Variants in PCDHGA9 observed in about 807,000 individuals in gnomAD.
PCDHGA9 encodes the protein protocadherin gamma subfamily A, 9.
A neutral mutation model predicts 62.5 loss-of-function variants in PCDHGA9; 37 were observed. The ratio of observed to expected loss-of-function variants is 0.59; its 90% CI spans 0.46 to 0.78. PCDHGA9 has a LOEUF of 0.78. Ranked by LOEUF, PCDHGA9 falls within the 30% of genes least tolerant of loss-of-function variation. PCDHGA9 has a pLI of 0.00. For synonymous variants in PCDHGA9, 459 were observed against 484.6 expected, an observed-to-expected ratio of 0.95 and a Z score of 0.69; for missense variants, 1,138 against 1,166.2, an observed-to-expected ratio of 0.98 and a Z score of 0.35.
chr5:141,479,562 T>G (rs1176956064), intron 1 of PCDHGA9: 2 of 152,218 alleles, frequency 1.3e-5, no homozygotes, highest in Non-Finnish European at 2.9e-5. Flanking sequence ...TATCCAGTAG[T>G]GGGATGACAT....
At position 141,490,776 on chromosome 5, in the gene PCDHGA9, G is replaced by A. The variant is rs1234115299; in HGVS notation, c.2425-4031G>A. 4.3e-6 allele frequency: 7 copies of A among 1,614,162 alleles called. No individual in the cohort carries two copies. Among genetic ancestry groups the A allele is most frequent in the African/African-American group, 1.3e-5 (1 of 75,066 alleles). On this transcript the variant is annotated intron_variant, in intron 1 of 3. Transcript: ENST00000573521. This position sits in a 1 kb window ranked among gnomAD's most constrained non-coding sequence, Gnocchi z 5.4. ...CCTCCTTTGTGTATGTCAACCCAGA[G>A]GATGGACGGATCTTTGCCCAGCGTA...
Position 141,477,439 on chromosome 5 carries a change from A to C in PCDHGA9, c.2425-17368A>C. 1 of 1,614,142 alleles carries C rather than the reference A, an allele frequency of 6.2e-7. No homozygotes were observed. Among genetic ancestry groups the C allele is most frequent in the Non-Finnish European group, 8.5e-7 (1 of 1,180,016 alleles). On this transcript the variant is annotated intron_variant, in intron 1 of 3. Transcript: ENST00000573521. This position sits in a 1 kb window ranked among gnomAD's most constrained non-coding sequence, Gnocchi z 4.9. ...GAACCCCTTCCCTCTCAGCCCTTAC[A>C]ATAGTGCGTGTTCAAGTGTCCGACA... is the stretch of plus-strand genomic sequence containing the variant.
Position 141,489,267 on chromosome 5 carries a change from C to G in PCDHGA9, c.2425-5540C>G. 6.4e-7 allele frequency: 1 copy of G among 1,553,302 alleles called. No homozygotes were observed. Among genetic ancestry groups the G allele is most frequent in the Non-Finnish European group, 8.7e-7 (1 of 1,149,864 alleles). The stretch of plus-strand genomic sequence containing the variant: ...TGGGGCCCAAGACACTCCCACAGCT[C>G]GCTGGGAAATGGCAAGTGCTGTGCA... On this transcript the variant is annotated intron_variant, in intron 1 of 3. Coordinates refer to ENST00000573521, the MANE Select transcript of PCDHGA9 (RefSeq NM_018921.3). The surrounding 1 kb of genome is among the most constrained non-coding windows in gnomAD (Gnocchi z 4.5).
intron 1 of PCDHGA9, chr5:141,479,196 C>T (rs2099489838): frequency 2.0e-5 from 3 of 152,432 alleles, no homozygotes; most frequent in African/African-American, 7.2e-5. Context: ...TCAGAAAATA[C>T]AGAAAAGTAT....
rs996353495 is a variant in PCDHGA9, at chr5:141,485,101, T to G, written c.2425-9706T>G. 12 of 1,158,090 alleles carry G rather than the reference T, an allele frequency of 1.0e-5. No individual in the cohort carries two copies. Among genetic ancestry groups the G allele is most frequent in the Non-Finnish European group, 1.4e-5 (11 of 786,830 alleles). The allele number at this position is 1,158,090 out of a possible 1,614,324, so 71.7% of individuals were successfully genotyped here. ...GGAAAGGGAGATAGGTGTCTCCAGC[T>G]GCTGTGGCTGTTTGGGGCGGGTCGG... On this transcript the variant is annotated intron_variant, in intron 1 of 3. Transcript: ENST00000573521. This position sits in a 1 kb window ranked among gnomAD's most constrained non-coding sequence, Gnocchi z 5.7.
At chr5:141,416,115 A>G (rs2095995433) in intron 1 of PCDHGA9, 2 of 155,406 alleles carry the variant, frequency 1.3e-5, no homozygotes, top group East Asian at 1.9e-4. Context: ...TTCAAACTAC[A>G]TTTTATATAT....
chr5:141,419,043 A>G (rs1561777660), intron 1 of PCDHGA9: 5 of 1,613,958 alleles, frequency 3.1e-6, no homozygotes. Flanking sequence ...TTTAAGATTC[A>G]TTCTTCTTCT....
In PCDHGA9 at chr5:141,476,336, C is replaced by A; in HGVS notation, c.2425-18471C>A. 18 of 1,614,008 alleles carry A rather than the reference C, an allele frequency of 1.1e-5. No homozygotes were observed. Among genetic ancestry groups the A allele is most frequent in the Non-Finnish European group, 1.5e-5 (18 of 1,180,008 alleles). ...GTTCCGGGTGGTGTCTGGAGCTAGC[C>A]GAAGATTCTTTGAGGTGAACCGGGA... On this transcript the variant is annotated intron_variant, in intron 1 of 3. Coordinates refer to ENST00000573521, the MANE Select transcript of PCDHGA9 (RefSeq NM_018921.3). The surrounding 1 kb of genome is among the most constrained non-coding windows in gnomAD (Gnocchi z 7.6).
intron 1 of PCDHGA9, among the ~76,000 whole-genome samples, chr5:141,434,616 T>C (rs911085192): frequency 1.3e-5 from 2 of 152,204 alleles, no homozygotes; most frequent in East Asian, 1.9e-4. Context: ...TCCGCCCATC[T>C]CTTCGTTTCC....
At position 141,406,382 on chromosome 5, in the gene PCDHGA9, G is replaced by A. The variant is rs189693155; in HGVS notation, c.2424+1006G>A. Reference sequence around the variant, plus strand: ...TTTGTAAGGGTAAACTGATAAAAAGGTAAATGTATTCTTCTTAGAGAAACA... The same window carrying A: ...TTTGTAAGGGTAAACTGATAAAAAGATAAATGTATTCTTCTTAGAGAAACA... On this transcript the variant is annotated intron_variant, in intron 1 of 3. Transcript: ENST00000573521. Among the ~76,000 whole-genome samples, 63 of 152,232 alleles carry A rather than the reference G, an allele frequency of 4.1e-4. 1 individual carries two copies. Among genetic ancestry groups the A allele is most frequent in the African/African-American group, 1.4e-3 (60 of 41,554 alleles).
chr5:141,410,628 T>G (rs758174899), intron 1 of PCDHGA9: 1 of 1,602,040 alleles, frequency 6.2e-7, no homozygotes, highest in South Asian at 1.1e-5. Context: ...TCGGTGAGTT[T>G]CTCTTTTTTG....
chr5:141,441,993 G>T (rs577673608), intron 1 of PCDHGA9: 16 of 251,180 alleles, frequency 6.4e-5, no homozygotes, highest in East Asian at 3.9e-4. Flanking sequence ...CACCGACGAG[G>T]TGCTGACAGC....
intron 1 of PCDHGA9, chr5:141,417,389 A>C (rs578088616): frequency 2.5e-4 from 39 of 154,566 alleles, no homozygotes; most frequent in Admixed American, 4.5e-4. Flanking sequence ...ATTTTGAAGA[A>C]AAAATATTCA....
chr5:141,472,060 T>C (rs185246000), intron 1 of PCDHGA9, among the ~76,000 whole-genome samples: 5 of 152,276 alleles, frequency 3.3e-5, no homozygotes, highest in Non-Finnish European at 1.5e-5. Context: ...ATGATTGACA[T>C]GTCTGTGGTT....
chr5:141,410,252 C>A, intron 1 of PCDHGA9: 2 of 1,613,998 alleles, frequency 1.2e-6, no homozygotes. Context: ...ACTCTCTGAC[C>A]CCCAGGCTGA....
Position 141,485,831 on chromosome 5 carries a change from C to T in PCDHGA9, c.2425-8976C>T. 1 of 1,614,080 alleles carries T rather than the reference C, an allele frequency of 6.2e-7. No individual in the cohort carries two copies. The highest frequency in any genetic ancestry group is 8.5e-7 in the Non-Finnish European group (1 of 1,180,026). ...GCTGACTGCTGTCGATGGAGGGAAC[C>T]CGCCGAGATCTGGCACCGCAGAGCT... On this transcript the variant is annotated intron_variant, in intron 1 of 3. Coordinates refer to ENST00000573521, the MANE Select transcript of PCDHGA9 (RefSeq NM_018921.3). This position sits in a 1 kb window ranked among gnomAD's most constrained non-coding sequence, Gnocchi z 5.7.
In PCDHGA9 at chr5:141,477,029, A is replaced by C; in HGVS notation, c.2425-17778A>C. 6.2e-7 allele frequency: 1 copy of C among 1,614,238 alleles called. No homozygotes were observed. The highest frequency in any genetic ancestry group is 8.5e-7 in the Non-Finnish European group (1 of 1,180,040). Reference sequence around the variant, plus strand: ...CTTAGACCTTGTAACCGGGATGCTGACAATCAAGGGTCGGCTGGACTTCGA... The same window carrying C: ...CTTAGACCTTGTAACCGGGATGCTGCCAATCAAGGGTCGGCTGGACTTCGA... On this transcript the variant is annotated intron_variant, in intron 1 of 3. Transcript: ENST00000573521. This position sits in a 1 kb window ranked among gnomAD's most constrained non-coding sequence, Gnocchi z 4.9.
intron 2 of PCDHGA9, among the ~76,000 whole-genome samples, chr5:141,500,695 T>G (rs1214079801): frequency 1.3e-5 from 2 of 152,214 alleles, no homozygotes; most frequent in Admixed American, 6.5e-5. Flanking sequence ...TTTTTCTTCT[T>G]TGCAGTGTAT....
intron 1 of PCDHGA9, chr5:141,417,718 G>A: frequency 7.7e-7 from 1 of 1,304,720 alleles, no homozygotes; most frequent in Non-Finnish European, 1.0e-6. Flanking sequence ...GCTCCCGGCT[G>A]CGCAGACCTT....
Sources: allele counts gnomAD v4.1 joint callset (sites outside exome capture counted in the v4.1 genomes callset), GRCh38; gene constraint gnomAD v4.1.1; non-coding constraint Gnocchi (gnomAD v3.1); transcripts MANE v1.5; gene names NCBI Gene and HGNC (gene_info 2026-07-23, HGNC 2026-07-21).